The following FAM20A variants were observed in gnomAD, a reference collection of about 807,000 sequenced individuals.
FAM20A encodes pseudokinase FAM20A.
A neutral mutation model predicts 52.0 loss-of-function variants in FAM20A; 42 were observed. That is an observed-to-expected ratio of 0.81 (90% CI 0.63 to 1.04). FAM20A has a LOEUF of 1.04. Among genes scored for constraint, FAM20A ranks in the 50% least tolerant of loss-of-function variants. FAM20A has a pLI of 0.00. For missense variants in FAM20A, 742 were observed against 712.7 expected, an observed-to-expected ratio of 1.04 and a Z score of -0.47; for synonymous variants, 304 against 298.9, an observed-to-expected ratio of 1.02 and a Z score of -0.18.
chr17:68,597,650 G>A (rs959727838), intron 1 of FAM20A, among the ~76,000 whole-genome samples: 1 of 152,304 alleles, frequency 6.6e-6, no homozygotes, highest in East Asian at 1.9e-4. Flanking sequence ...CTCCCAAAGT[G>A]CTGGGATTAC....
rs754152049 is a variant in FAM20A at position 68,537,672 on chromosome 17, C to G, written c.1431G>C (p.Met477Ile). Reference sequence around the variant, plus strand: ...GCTGGTCTTCCAGCAGTGATTCTCGCATCACATCGCTGAGTCTGTAGTCAG... The same window carrying G: ...GCTGGTCTTCCAGCAGTGATTCTCGGATCACATCGCTGAGTCTGTAGTCAG... ...AQADYRLSDV[M>I]RESLLEDQLS... Residue 477 changes from methionine to isoleucine, a missense_variant, in exon 11 of 11, where the codon ATG becomes ATC. Transcript: ENST00000592554. The surrounding 1 kb of genome is among the most constrained non-coding windows in gnomAD (Gnocchi z 4.2). 16 of 1,613,772 alleles carry G rather than the reference C, an allele frequency of 9.9e-6. No homozygotes were observed. In the Admixed American group the frequency reaches 2.7e-4, roughly 27 times the overall value.
chr17:68,581,487 T>TTTTCTTTTTTTC (rs1420240191), intron 1 of FAM20A, among the ~76,000 whole-genome samples: 57 of 130,880 alleles, frequency 4.4e-4, no homozygotes, highest in Non-Finnish European at 7.3e-4. Flanking sequence ...TCTTTCTTTC[T>TTTTCTTTTTTTC]TTTTCTTTCT....
chr17:68,558,980 A>T (rs1299583683), intron 1 of FAM20A, among the ~76,000 whole-genome samples: 10 of 151,974 alleles, frequency 6.6e-5, no homozygotes, highest in Admixed American at 4.6e-4. Flanking sequence ...GTGGTCTTGA[A>T]CTCCTGACCT....
Position 68,578,919 on chromosome 17 carries a change from G to A in FAM20A, c.404+21344C>T, listed in dbSNP as rs529057733. ...AGTCCCAGCTATTCAGGAGGCTGAGGTAGAAGAATTGTTTGAACCCGGGAG... is the reference window on the plus strand; with the variant it reads ...AGTCCCAGCTATTCAGGAGGCTGAGATAGAAGAATTGTTTGAACCCGGGAG... On this transcript the variant is annotated intron_variant, in intron 1 of 10. Coordinates refer to ENST00000592554, the MANE Select transcript of FAM20A (RefSeq NM_017565.4). Among the ~76,000 whole-genome samples, 5 of 150,652 alleles carry A rather than the reference G, an allele frequency of 3.3e-5. No homozygotes were observed. The South Asian group carries it at 1.1e-3, about 32-fold the overall frequency.
intron 1 of FAM20A, among the ~76,000 whole-genome samples, chr17:68,590,618 G>A (rs976754064): frequency 6.6e-6 from 1 of 152,200 alleles, no homozygotes; most frequent in Non-Finnish European, 1.5e-5. Flanking sequence ...TAAAAAGTCT[G>A]CACATGTGAA....
intron 8 of FAM20A, chr17:68,540,530 C>CT (rs541111198): frequency 4.1e-6 from 2 of 493,474 alleles, no homozygotes; most frequent in African/African-American, 1.9e-5. Context: ...TATTTGTGTA[C>CT]TTTCTTCCCT....
chr17:68,556,661 A>T (rs2087059534), intron 1 of FAM20A, among the ~76,000 whole-genome samples: 1 of 152,116 alleles, frequency 6.6e-6, no homozygotes, highest in East Asian at 1.9e-4. Context: ...GTAGGCAAGA[A>T]ACGGATGTAT....
At chr17:68,551,724 T>TATTATTATTATCATC (rs34614921) in intron 4 of FAM20A, 149 bp downstream of exon 4, 8 of 293,762 alleles carry the variant, frequency 2.7e-5, no homozygotes, top group Admixed American at 4.5e-5. Flanking sequence ...TTATTATTAT[T>TATTATTATTATCATC]ATCACCCCAA....
In FAM20A at chr17:68,537,681, G is replaced by A. The variant is rs1200474965; in HGVS notation, c.1422C>T (p.Ser474=). 2.0e-5 allele frequency: 32 copies of A among 1,613,486 alleles called. No individual in the cohort carries two copies. In the East Asian group the frequency reaches 2.7e-4, roughly 13 times the overall value. ...CCAGCAGTGATTCTCGCATCACATC[G>A]CTGAGTCTGTAGTCAGCTTGGGCCA... ...QLLAQADYRL[S]DVMRESLLED... The change falls in exon 11 of 11, where the codon AGC becomes AGT. Residue 474 remains serine (S), a synonymous_variant. Transcript: ENST00000592554. The surrounding 1 kb of genome is among the most constrained non-coding windows in gnomAD (Gnocchi z 4.2).
chr17:68,556,270 G>T lies in FAM20A; in HGVS notation c.405-527C>A, dbSNP rs140128915. Among the ~76,000 whole-genome samples the T allele has an allele frequency of 5.8e-4, 89 of 152,200 alleles. 2 individuals are homozygous for T. The East Asian group carries it at 0.013, about 22-fold the overall frequency. ...TGAGTTAGATTATAAACGAAAAGAAGAATTAATGAGCCATTTACTGTTTGT... is the reference window on the plus strand; with the variant it reads ...TGAGTTAGATTATAAACGAAAAGAATAATTAATGAGCCATTTACTGTTTGT... On this transcript the variant is annotated intron_variant, in intron 1 of 10. Coordinates refer to ENST00000592554, the MANE Select transcript of FAM20A (RefSeq NM_017565.4).
In FAM20A at chr17:68,571,874, G is replaced by A. The variant is rs184786086; in HGVS notation, c.405-16131C>T. 3.0e-4 allele frequency among the ~76,000 whole-genome samples: 45 copies of A among 150,776 alleles called. 1 individual carries two copies. In the East Asian group the frequency reaches 8.3e-3, roughly 28 times the overall value. ...ATGAGAGTAAAGGTTTATTTAGAAT[G>A]AAAAAGAATCAATAAATTACTGGTG... On this transcript the variant is annotated intron_variant, in intron 1 of 10. Coordinates refer to ENST00000592554, the MANE Select transcript of FAM20A (RefSeq NM_017565.4).
chr17:68,593,286 A>C (rs2088362519), intron 1 of FAM20A, among the ~76,000 whole-genome samples: 2 of 152,268 alleles, frequency 1.3e-5, no homozygotes, highest in South Asian at 4.1e-4. Context: ...ATTACAAAAA[A>C]TACAGGTCAG....
chr17:68,581,668 C>A (rs781099587), intron 1 of FAM20A, among the ~76,000 whole-genome samples: 11 of 150,524 alleles, frequency 7.3e-5, no homozygotes, highest in South Asian at 2.1e-4. Context: ...CTCCGCCTCC[C>A]GGGTTTAAGC....
At chr17:68,553,683 G>C (rs1360289673) in intron 3 of FAM20A, among the ~76,000 whole-genome samples, 1 of 151,874 alleles carries the variant, frequency 6.6e-6, no homozygotes, top group African/African-American at 2.4e-5. Flanking sequence ...AAACCCCTGG[G>C]GGTGGAGGCT....
intron 1 of FAM20A, among the ~76,000 whole-genome samples, chr17:68,572,734 TTTTA>T (rs781335091): frequency 5.9e-5 from 9 of 152,274 alleles, no homozygotes; most frequent in African/African-American, 1.4e-4. Context: ...TTCTTTTTAA[TTTTA>T]TTTATTTATT....
At chr17:68,544,743 TATC>T (rs1318093279) in intron 4 of FAM20A, among the ~76,000 whole-genome samples, 1 of 152,178 alleles carries the variant, frequency 6.6e-6, no homozygotes, top group Non-Finnish European at 1.5e-5. Context: ...CTGGCCAGCT[TATC>T]ATCATCACTG....
chr17:68,536,670 C>T lies in FAM20A; in HGVS notation c.*807G>A, dbSNP rs941682726. On this transcript the variant is annotated 3_prime_UTR_variant, in exon 11 of 11. Coordinates refer to ENST00000592554, the MANE Select transcript of FAM20A (RefSeq NM_017565.4). ...TAGTCAGCCTTGGCTCTTTTCCTGCCTTACTCCAGGCTTGTGTCCCTGCTA... is the reference window on the plus strand; with the variant it reads ...TAGTCAGCCTTGGCTCTTTTCCTGCTTTACTCCAGGCTTGTGTCCCTGCTA... 6.6e-6 allele frequency: 3 copies of T among 452,898 alleles called. No homozygotes were observed. In the East Asian group the frequency reaches 2.1e-4, roughly 31 times the overall value. The allele number at this position is 452,898 out of a possible 1,614,324, so 28.1% of individuals were successfully genotyped here.
chr17:68,553,484 C>T (rs1019173784), intron 3 of FAM20A, among the ~76,000 whole-genome samples: 1 of 152,210 alleles, frequency 6.6e-6, no homozygotes, highest in Non-Finnish European at 1.5e-5. Context: ...TGGGGCCACT[C>T]ATGGCTGGTG....
At chr17:68,553,837 GAC>G (rs1013649629) in intron 3 of FAM20A, among the ~76,000 whole-genome samples, 91 of 145,674 alleles carry the variant, frequency 6.2e-4, no homozygotes, top group East Asian at 1.4e-3. Flanking sequence ...TATATACATA[GAC>G]ACACATTTAT....
Sources: gnomAD v4.1 joint callset for allele counts (sites outside exome capture counted in the v4.1 genomes callset) on GRCh38, gnomAD v4.1.1 for gene constraint, Gnocchi (gnomAD v3.1) non-coding constraint, MANE v1.5 for transcripts, NCBI Gene and HGNC (gene_info 2026-07-23, HGNC 2026-07-21) for gene names.